The following PTPN3 variants were observed in gnomAD, a reference collection of about 807,000 sequenced individuals.
PTPN3 encodes tyrosine-protein phosphatase non-receptor type 3.
Under a neutral mutation model 132.7 loss-of-function variants are expected in PTPN3, and 96 were observed. That is an observed-to-expected ratio of 0.72 (90% CI 0.61 to 0.86). PTPN3 has a LOEUF of 0.86. Among genes scored for constraint, PTPN3 ranks in the 40% least tolerant of loss-of-function variants. The pLI, the probability that PTPN3 is intolerant of heterozygous loss-of-function variation, is 0.00. For synonymous variants in PTPN3, 398 were observed against 429.0 expected (o/e 0.93, Z 0.89); for missense variants, 1,125 against 1,159.6 (o/e 0.97, Z 0.43).
At chr9:109,396,240 G>C (rs1694920684) in intron 19 of PTPN3, among the ~76,000 whole-genome samples, 1 of 152,212 alleles carries the variant, frequency 6.6e-6, no homozygotes, top group African/African-American at 2.4e-5. Context: ...ACTGCTCTGA[G>C]AAGGCGGAGG....
At chr9:109,482,461 T>A (rs796209223) in intron 1 of PTPN3, among the ~76,000 whole-genome samples, 20 of 152,332 alleles carry the variant, frequency 1.3e-4, no homozygotes, top group African/African-American at 4.6e-4. Context: ...CCCACATGTG[T>A]TAGTTTTTCT....
intron 6 of PTPN3, among the ~76,000 whole-genome samples, chr9:109,448,375 T>C (rs939916354): frequency 6.6e-6 from 1 of 152,152 alleles, no homozygotes; most frequent in African/African-American, 2.4e-5. Flanking sequence ...ACTGAGATGG[T>C]CTTGGTAACA....
chr9:109,506,607 C>CTTTCT, the PTPN3 span, among the ~76,000 whole-genome samples: 6 of 131,818 alleles, frequency 4.6e-5, no homozygotes, highest in Non-Finnish European at 8.0e-5. Flanking sequence ...TTCTTTCTTT[C>CTTTCT]TTTTTTTTTT....
At chr9:109,402,536 CCTT>C (rs1346176951) in intron 19 of PTPN3, among the ~76,000 whole-genome samples, 1 of 152,094 alleles carries the variant, frequency 6.6e-6, no homozygotes, top group Non-Finnish European at 1.5e-5. Context: ...GCCTCAGCCT[CCTT>C]AAGTGCTGGG....
chr9:109,410,319 A>G lies in PTPN3; in HGVS notation c.1410T>C (p.Pro470=), dbSNP rs943258124. 1 of 1,614,224 alleles carries G rather than the reference A, an allele frequency of 6.2e-7. No individual in the cohort carries two copies. Among genetic ancestry groups the G allele is most frequent in the Non-Finnish European group, 8.5e-7 (1 of 1,180,032 alleles). ...CTAAGAGCTGCTGATCAACGCCGTCAGGTGAGCAGGAGCCTGGAGCATTTG... is the reference window on the plus strand; with the variant it reads ...CTAAGAGCTGCTGATCAACGCCGTCGGGTGAGCAGGAGCCTGGAGCATTTG... ...PSSNAPGSCS[P]DGVDQQLLDD... Residue 470 remains proline, a synonymous_variant, in exon 15 of 26, where the codon CCT becomes CCC. Coordinates refer to ENST00000374541, the MANE Select transcript of PTPN3 (RefSeq NM_002829.4).
chr9:109,524,376 T>TGCCTAGAC, the PTPN3 span, among the ~76,000 whole-genome samples: 7,104 of 85,402 alleles, frequency 0.083, 2,076 homozygotes, highest in East Asian at 0.27. Context: ...GGTACTATTA[T>TGCCTAGAC]TCCCATCTCA....
chr9:109,467,573 A>G (rs1846163860), intron 1 of PTPN3, among the ~76,000 whole-genome samples: 1 of 152,206 alleles, frequency 6.6e-6, no homozygotes, highest in African/African-American at 2.4e-5. Context: ...ACTGTGTGTG[A>G]TAAGAGGTGG....
chr9:109,510,572 A>ATATAT, the PTPN3 span, among the ~76,000 whole-genome samples: 3 of 55,208 alleles, frequency 5.4e-5, no homozygotes, highest in East Asian at 5.9e-4. Context: ...AAAAAAAAAA[A>ATATAT]AAAAATATAT....
intron 24 of PTPN3, 103 bp downstream of exon 24, chr9:109,382,199 C>T (rs193183391): frequency 1.9e-5 from 27 of 1,388,708 alleles, no homozygotes; most frequent in South Asian, 5.4e-5. Context: ...TAAGGGCACA[C>T]GACTTTGTGG....
chr9:109,406,797 T>C (rs1253337309), intron 17 of PTPN3, among the ~76,000 whole-genome samples, 179 bp from the exon 18 acceptor site: 1 of 152,180 alleles, frequency 6.6e-6, no homozygotes, highest in Non-Finnish European at 1.5e-5. Context: ...TGGTAGATGG[T>C]TGTAAGATAT....
Position 109,382,323 on chromosome 9 carries a change from T to C in PTPN3, c.2507A>G (p.Glu836Gly), listed in dbSNP as rs1236617838. The C allele has an allele frequency of 6.2e-7, 1 of 1,613,908 alleles. No homozygotes were observed. Among genetic ancestry groups the C allele is most frequent in the East Asian group, 2.2e-5 (1 of 44,888 alleles). The change falls in exon 24 of 26, where the codon GAG (glutamate) becomes GGG (glycine). Residue 836 changes from glutamate (E) to glycine (G), a missense_variant. Glu to Gly is a moderately conservative substitution (Grantham distance 98). Transcript: ENST00000374541. ...NYVRSLRVDSEPVLVHCSAGI... is the reference protein window; with the variant it reads ...NYVRSLRVDSGPVLVHCSAGI... The stretch of plus-strand genomic sequence containing the variant: ...ATACCTGCAGTGAACTAGGACGGGC[T>C]CGCTGTCCACTCTCAGAGACCTCAC...
At chr9:109,410,171 C>T in intron 15 of PTPN3, 58 bp downstream of exon 15, 1 of 1,611,056 alleles carries the variant, frequency 6.2e-7, no homozygotes, top group Non-Finnish European at 8.5e-7. Context: ...CTCAGCTGCC[C>T]ACAAGAGGCC....
At chr9:109,417,887 G>T in intron 14 of PTPN3, 1 of 699,844 alleles carries the variant, frequency 1.4e-6, no homozygotes, top group Non-Finnish European at 1.8e-6. Flanking sequence ...ACTTTACAAG[G>T]TCTCAAGGAG....
chr9:109,388,574 T>C (rs1051666370), intron 22 of PTPN3, among the ~76,000 whole-genome samples: 5 of 152,064 alleles, frequency 3.3e-5, no homozygotes, highest in East Asian at 1.9e-4. Context: ...ACAGCAGCCA[T>C]AGGAGTGGCT....
upstream of PTPN3, among the ~76,000 whole-genome samples, chr9:109,498,602 C>T (rs1847797035): frequency 6.6e-6 from 1 of 152,288 alleles, no homozygotes; most frequent in Middle Eastern, 3.4e-3. The surrounding 1 kb of genome is among the most constrained non-coding windows in gnomAD (Gnocchi z 4.2). Context: ...AAGAAGTCGG[C>T]GCCCAAAGAA....
At chr9:109,399,940 CT>C (rs1231862931) in intron 19 of PTPN3, among the ~76,000 whole-genome samples, 4,522 of 136,262 alleles carry the variant, frequency 0.033, 110 homozygotes, top group East Asian at 0.14. Flanking sequence ...ACACAGTTAC[CT>C]TTTTTTTTTT....
rs377718578 is a variant in PTPN3 at position 109,391,488 on chromosome 9, T to C, written c.2027A>G (p.Tyr676Cys). Residue 676 changes from tyrosine (Y) to cysteine (C), a missense_variant, in exon 20 of 26, where the codon TAT becomes TGT. Transcript: ENST00000374541. ...KLPQNLDKNR[Y>C]KDVLPYDTTR... The stretch of plus-strand genomic sequence containing the variant: ...ATACTCACAAGGCAGCACATCTTTA[T>C]ATCGGTTTTTGTCCAAATTTTGAGG... 1.1e-5 allele frequency: 18 copies of C among 1,613,408 alleles called. No individual in the cohort carries two copies. Among genetic ancestry groups the C allele is most frequent in the Non-Finnish European group, 1.5e-5 (18 of 1,179,476 alleles).
chr9:109,386,643 G>A (rs1319806631), intron 22 of PTPN3, among the ~76,000 whole-genome samples: 1 of 152,140 alleles, frequency 6.6e-6, no homozygotes, highest in Admixed American at 6.5e-5. Flanking sequence ...TCAGGCAGAG[G>A]GAATGGGACA....
the PTPN3 span, chr9:109,534,417 GGGGCTGCTCA>G: frequency 2.1e-6 from 3 of 1,416,752 alleles, no homozygotes; most frequent in Non-Finnish European, 2.8e-6. Context: ...CGGTGGTGGT[GGGGCTGCTCA>G]GGGCTCTCTG....
Sources: gnomAD v4.1 joint callset for allele counts (sites outside exome capture counted in the v4.1 genomes callset) on GRCh38, gnomAD v4.1.1 for gene constraint, Gnocchi (gnomAD v3.1) non-coding constraint, MANE v1.5 for transcripts, NCBI Gene and HGNC (gene_info 2026-07-23, HGNC 2026-07-21) for gene names.